Variants in S100Z observed in about 807,000 individuals in gnomAD.
S100Z encodes protein S100-Z.
A neutral mutation model predicts 8.5 loss-of-function variants in S100Z; 11 were observed. The observed-to-expected ratio is 1.30, with a 90% CI of 0.82 to 2.15. The LOEUF (loss-of-function observed/expected upper bound fraction) is 2.15. Ranked by LOEUF, S100Z falls within the 30% of genes most tolerant of loss-of-function variation. S100Z has a pLI of 0.00. For missense variants in S100Z, 126 were observed against 117.9 expected (o/e 1.07, Z -0.32); for synonymous variants, 34 against 43.8 (o/e 0.78, Z 0.89).
intron 4 of S100Z, among the ~76,000 whole-genome samples, chr5:76,888,367 A>T (rs929223818): frequency 0.03 from 1,353 of 45,054 alleles, 7 homozygotes; most frequent in Middle Eastern, 0.033. Context: ...AAGTGCTGGT[A>T]TTTTTTTTTT....
the S100Z span, among the ~76,000 whole-genome samples, chr5:76,947,004 T>C: frequency 1.3e-5 from 2 of 152,232 alleles, no homozygotes; most frequent in Non-Finnish European, 2.9e-5. Context: ...CCCCCTGGCC[T>C]CTGGGCCTCG....
At chr5:76,884,672 T>C (rs1743533971) in intron 4 of S100Z, among the ~76,000 whole-genome samples, 1 of 152,058 alleles carries the variant, frequency 6.6e-6, no homozygotes, top group Non-Finnish European at 1.5e-5. Flanking sequence ...GAGGAAATAG[T>C]TGGGCAAGTG....
chr5:76,932,004 G>C, the S100Z span, among the ~76,000 whole-genome samples: 1 of 151,878 alleles, frequency 6.6e-6, no homozygotes, highest in Non-Finnish European at 1.5e-5. Flanking sequence ...TTCTAACATG[G>C]ATTATTATTT....
chr5:76,925,159 TAGAGAGAGAG>T (rs3060357), downstream of S100Z, among the ~76,000 whole-genome samples: 1 of 151,030 alleles, frequency 6.6e-6, no homozygotes, highest in Non-Finnish European at 1.5e-5. Context: ...AGTGGCTAGA[TAGAGAGAGAG>T]AGAGGAAGGG....
chr5:76,888,757 T>C (rs1372346087), intron 4 of S100Z, among the ~76,000 whole-genome samples: 1 of 152,166 alleles, frequency 6.6e-6, no homozygotes, highest in African/African-American at 2.4e-5. Flanking sequence ...AAGTTTCTTG[T>C]AAAGCCCCGG....
intron 1 of S100Z, among the ~76,000 whole-genome samples, chr5:76,864,575 T>C (rs1751199956): frequency 1.3e-5 from 2 of 151,658 alleles, no homozygotes; most frequent in African/African-American, 4.8e-5. Flanking sequence ...AACTAATTTT[T>C]GTATTTTTAG....
chr5:76,889,753 C>A (rs978149973), intron 4 of S100Z, among the ~76,000 whole-genome samples: 1 of 152,236 alleles, frequency 6.6e-6, no homozygotes, highest in African/African-American at 2.4e-5. Context: ...GTTAGGAACA[C>A]ACAATTTTGT....
intron 3 of S100Z, among the ~76,000 whole-genome samples, chr5:76,877,158 T>C (rs936866907): frequency 6.6e-6 from 1 of 152,210 alleles, no homozygotes; most frequent in Admixed American, 6.5e-5. Context: ...AGTATTTTTA[T>C]TTGCTAAATC....
chr5:76,875,703 G>A (rs1743166561), intron 3 of S100Z, among the ~76,000 whole-genome samples: 2 of 152,116 alleles, frequency 1.3e-5, no homozygotes, highest in South Asian at 4.1e-4. Context: ...CGTGTTACCT[G>A]GGGTTAGGGT....
At chr5:76,886,775 G>T (rs1240933206) in intron 4 of S100Z, among the ~76,000 whole-genome samples, 1 of 152,188 alleles carries the variant, frequency 6.6e-6, no homozygotes, top group East Asian at 1.9e-4. Context: ...CAGGCAGGGG[G>T]TGGATCTCAC....
intron 4 of S100Z, among the ~76,000 whole-genome samples, chr5:76,899,510 T>C (rs1001097819): frequency 2.6e-5 from 4 of 152,120 alleles, no homozygotes; most frequent in Non-Finnish European, 5.9e-5. Context: ...TTTTTGTGTA[T>C]CCATTGCATA....
intron 1 of S100Z, among the ~76,000 whole-genome samples, chr5:76,863,306 GCACT>G (rs1284860287): frequency 6.6e-6 from 1 of 152,140 alleles, no homozygotes; most frequent in African/African-American, 2.4e-5. Context: ...ACACACACAA[GCACT>G]CACTCACACA....
At chr5:76,881,442 G>A (rs1373719299) in intron 4 of S100Z, among the ~76,000 whole-genome samples, 1 of 152,190 alleles carries the variant, frequency 6.6e-6, no homozygotes, top group Non-Finnish European at 1.5e-5. Flanking sequence ...CTGGGCGGGG[G>A]CAAATCCCCG....
At chr5:76,868,693 G>C (rs1286717241) in intron 1 of S100Z, among the ~76,000 whole-genome samples, 1 of 144,472 alleles carries the variant, frequency 6.9e-6, no homozygotes, top group Non-Finnish European at 1.5e-5. Context: ...GCATTATCTC[G>C]GCTCACGGTA....
At chr5:76,919,166 T>G (rs2150688250) in intron 4 of S100Z, among the ~76,000 whole-genome samples, 1 of 152,214 alleles carries the variant, frequency 6.6e-6, no homozygotes, top group East Asian at 1.9e-4. Flanking sequence ...GTGCAGGTTT[T>G]ATGTGGATAT....
At chr5:76,903,362 A>G (rs1242243298) in intron 4 of S100Z, among the ~76,000 whole-genome samples, 1 of 152,170 alleles carries the variant, frequency 6.6e-6, no homozygotes, top group Non-Finnish European at 1.5e-5. Flanking sequence ...TTCACTTAGC[A>G]GAATACATTT....
chr5:76,874,929 G>T (rs1280306867), intron 2 of S100Z, among the ~76,000 whole-genome samples: 2 of 151,864 alleles, frequency 1.3e-5, no homozygotes, highest in Admixed American at 6.6e-5. Flanking sequence ...CTGTCGCCCA[G>T]GCTGGAGTGC....
intron 3 of S100Z, among the ~76,000 whole-genome samples, chr5:76,877,098 A>G (rs547640906): frequency 1.3e-5 from 2 of 152,248 alleles, no homozygotes; most frequent in South Asian, 4.1e-4. Flanking sequence ...ACATACTAAA[A>G]CTAAAAGTTA....
chr5:76,875,544 T>G lies in S100Z; in HGVS notation c.141+44T>G, dbSNP rs752075422. The G allele has an allele frequency of 3.9e-6, 6 of 1,549,492 alleles. 1 individual carries two copies. In the African/African-American group the frequency reaches 8.2e-5, roughly 21 times the overall value. ...AATGCTGTATTCATTTGAGGGTAGATGAGGTGCAGATTCCAGGACAGCCTT... is the reference window on the plus strand; with the variant it reads ...AATGCTGTATTCATTTGAGGGTAGAGGAGGTGCAGATTCCAGGACAGCCTT... On this transcript the variant is annotated intron_variant, in intron 3 of 4. Transcript: ENST00000317593.
Sources: allele counts gnomAD v4.1 joint callset (sites outside exome capture counted in the v4.1 genomes callset), GRCh38; gene constraint gnomAD v4.1.1; transcripts MANE v1.5; gene names NCBI Gene and HGNC (gene_info 2026-07-23, HGNC 2026-07-21).